Variants in NQO2 observed in about 807,000 individuals in gnomAD.
The protein encoded by NQO2 is ribosyldihydronicotinamide dehydrogenase [quinone].
In NQO2, 18 loss-of-function variants were observed where a neutral mutation model predicts 22.0. That is an observed-to-expected ratio of 0.82 (90% CI 0.56 to 1.21). The LOEUF (loss-of-function observed/expected upper bound fraction) is 1.21. Ranked by LOEUF, NQO2 falls within the 50% of genes most tolerant of loss-of-function variation. The pLI is 0.00. For synonymous variants in NQO2, 106 were observed against 110.8 expected, an observed-to-expected ratio of 0.96 and a Z score of 0.28; for missense variants, 267 against 286.9, an observed-to-expected ratio of 0.93 and a Z score of 0.50.
intron 4 of NQO2, 41 bp from the exon 5 acceptor site, chr6:3,015,489 G>T (rs1446166627): frequency 6.2e-7 from 1 of 1,604,432 alleles, no homozygotes; most frequent in African/African-American, 1.3e-5. Flanking sequence ...AACCTGAGGC[G>T]AGCCGCAGCC....
At chr6:3,009,369 T>A (rs890179117) in intron 2 of NQO2, among the ~76,000 whole-genome samples, 1 of 152,244 alleles carries the variant, frequency 6.6e-6, no homozygotes, top group Non-Finnish European at 1.5e-5. Context: ...TATCCTGTTC[T>A]TTTTTCAAGG....
chr6:3,002,286 G>A, intron 1 of NQO2: 1 of 937,744 alleles, frequency 1.1e-6, no homozygotes, highest in Non-Finnish European at 1.3e-6. Flanking sequence ...CATTTACAAA[G>A]GTAAATCATT....
chr6:3,000,953 C>G (rs1422613346), intron 1 of NQO2, among the ~76,000 whole-genome samples: 2 of 152,096 alleles, frequency 1.3e-5, no homozygotes. Context: ...AGCGATTCTC[C>G]CCCCTCAGCC....
At chr6:3,013,201 C>A (rs377727383) in intron 4 of NQO2, among the ~76,000 whole-genome samples, 2 of 151,398 alleles carry the variant, frequency 1.3e-5, no homozygotes, top group African/African-American at 4.9e-5. Flanking sequence ...GTGATCCACC[C>A]GCCTCGGCCT....
chr6:3,002,149 A>C, intron 1 of NQO2: 1 of 936,132 alleles, frequency 1.1e-6, no homozygotes, highest in Non-Finnish European at 1.3e-6. Flanking sequence ...TGAGCTGGGG[A>C]CACTGAAGAA....
chr6:3,005,787 GTCTC>G (rs1036946693), intron 1 of NQO2: 6 of 985,212 alleles, frequency 6.1e-6, no homozygotes, highest in Middle Eastern at 5.2e-4. Flanking sequence ...CATAGCAACT[GTCTC>G]TCTCTCACTC....
intron 4 of NQO2, among the ~76,000 whole-genome samples, chr6:3,013,081 G>C (rs367916718): frequency 6.8e-6 from 1 of 146,846 alleles, no homozygotes; most frequent in Non-Finnish European, 1.5e-5. Context: ...TCAGCCTCCC[G>C]AGTAGCTGGG....
At chr6:3,015,078 C>A in intron 4 of NQO2, 1 of 1,290,534 alleles carries the variant, frequency 7.7e-7, no homozygotes, top group Non-Finnish European at 1.0e-6. Flanking sequence ...CTAAGGAATA[C>A]AAACATGACT....
At chr6:3,018,298 G>A (rs1187559856) in intron 6 of NQO2, among the ~76,000 whole-genome samples, 1 of 152,302 alleles carries the variant, frequency 6.6e-6, no homozygotes, top group South Asian at 2.1e-4. Flanking sequence ...CTGAGGTCAG[G>A]AGTTTGAGAC....
chr6:3,016,400 C>T (rs1183806135), intron 5 of NQO2, among the ~76,000 whole-genome samples: 1 of 143,438 alleles, frequency 7.0e-6, no homozygotes, highest in Non-Finnish European at 1.5e-5. Context: ...CATTGCATTC[C>T]AGCCTGGGTG....
rs1561716673 is a variant in NQO2, at chr6:3,015,658, A to AT, written c.417+16dup. On this transcript the variant is annotated intron_variant, in intron 5 of 6. Transcript: ENST00000380455. ...GTTTGCTCCAGGTATGTGCTCTTGGATAAGGATCACTATGGATAGTTGGAG... is the reference window on the plus strand; with the variant it reads ...GTTTGCTCCAGGTATGTGCTCTTGGATTAAGGATCACTATGGATAGTTGGAG... 4 of 1,612,770 alleles carry AT rather than the reference A, an allele frequency of 2.5e-6. No individual in the cohort carries two copies. The highest frequency in any genetic ancestry group is 3.3e-5 in the Admixed American group (2 of 59,994).
At chr6:3,004,983 C>T (rs976331908) in intron 1 of NQO2, among the ~76,000 whole-genome samples, 5 of 152,030 alleles carry the variant, frequency 3.3e-5, no homozygotes, top group South Asian at 2.1e-4. Context: ...TTAGTAGAGA[C>T]GGAGTTTCGC....
chr6:3,012,721 A>G (rs1489481123), intron 4 of NQO2, 47 bp downstream of exon 4: 2 of 1,571,484 alleles, frequency 1.3e-6, no homozygotes, highest in Non-Finnish European at 8.7e-7. Flanking sequence ...CATCTTATGT[A>G]CAAACTCTTT....
Position 3,013,068 on chromosome 6 carries a change from G to A in NQO2, c.303+394G>A, listed in dbSNP as rs1259158662. On this transcript the variant is annotated intron_variant, in intron 4 of 6. Transcript: ENST00000380455. ...CCTCCCGGGTTCACGCCATTCTCCC[G>A]CCTCAGCCTCCCGAGTAGCTGGGAC... 7.0e-5 allele frequency among the ~76,000 whole-genome samples: 10 copies of A among 141,900 alleles called. No individual in the cohort carries two copies. The South Asian group carries it at 1.4e-3, about 20-fold the overall frequency. 93.1% of individuals were successfully genotyped at this position (141,900 alleles called of 152,430 possible).
At chr6:3,011,149 T>C (rs758204741) in intron 3 of NQO2, among the ~76,000 whole-genome samples, 3 of 152,182 alleles carry the variant, frequency 2.0e-5, no homozygotes, top group Non-Finnish European at 4.4e-5. Context: ...ACGGCACTGT[T>C]TGGACTCTCT....
intron 4 of NQO2, among the ~76,000 whole-genome samples, chr6:3,014,227 C>T (rs188208622): frequency 6.6e-6 from 1 of 152,304 alleles, no homozygotes; most frequent in African/African-American, 2.4e-5. Context: ...CCTGCCCAGG[C>T]TTGCCTCTGC....
Position 3,006,228 on chromosome 6 carries a change from A to T in NQO2, c.-85-240A>T. 1 of 641,908 alleles carries T rather than the reference A, an allele frequency of 1.6e-6. No homozygotes were observed. The highest frequency in any genetic ancestry group is 1.9e-6 in the Non-Finnish European group (1 of 516,270). 39.8% of individuals were successfully genotyped at this position (641,908 alleles called of 1,614,324 possible). A position where few individuals can be genotyped will look rare whatever the true frequency, so the allele number is the denominator to read the frequency against. ...GCTCATTTCCTGGGTCCTTTGCTGT[A>T]TGACTGTCTGGATGGAAGGTTCAGA... is the stretch of plus-strand genomic sequence containing the variant. On this transcript the variant is annotated intron_variant, in intron 1 of 6. Transcript: ENST00000380455. This position sits in a 1 kb window ranked among gnomAD's most constrained non-coding sequence, Gnocchi z 4.0.
chr6:3,005,696 G>A (rs966401897), intron 1 of NQO2: 24 of 985,292 alleles, frequency 2.4e-5, no homozygotes, highest in Non-Finnish European at 2.8e-5. Context: ...TTTCAGAGAT[G>A]GCCAGGAGGG....
At chr6:3,014,517 G>A (rs753253309) in intron 4 of NQO2, among the ~76,000 whole-genome samples, 2 of 152,066 alleles carry the variant, frequency 1.3e-5, no homozygotes, top group Non-Finnish European at 2.9e-5. Context: ...TTTCCTCCTC[G>A]CACCCACTCC....
Sources: allele counts gnomAD v4.1 joint callset (sites outside exome capture counted in the v4.1 genomes callset), GRCh38; gene constraint gnomAD v4.1.1; non-coding constraint Gnocchi (gnomAD v3.1); transcripts MANE v1.5; gene names NCBI Gene and HGNC (gene_info 2026-07-23, HGNC 2026-07-21).